The following BTG4 variants were observed in gnomAD, a reference collection of about 807,000 sequenced individuals.
BTG4 encodes protein BTG4.
A neutral mutation model predicts 19.3 loss-of-function variants in BTG4; 10 were observed. The observed-to-expected ratio is 0.52, with a 90% CI of 0.32 to 0.88. The LOEUF (loss-of-function observed/expected upper bound fraction) is 0.88, where lower values mean the gene tolerates loss of function less well. BTG4 is among the 40% of genes least tolerant of loss of function. BTG4 has a pLI of 0.04. For synonymous variants in BTG4, 91 were observed against 95.7 expected (o/e 0.95, Z 0.29); for missense variants, 238 against 281.9 (o/e 0.84, Z 1.11).
rs180799863 is a variant in BTG4 at position 111,503,861 on chromosome 11, G to A, written c.-26-5059C>T. Among the ~76,000 whole-genome samples, 157 of 152,168 alleles carry A rather than the reference G, an allele frequency of 1.0e-3. 1 individual carries two copies. The highest frequency in any genetic ancestry group is 3.4e-3 in the African/African-American group (141 of 41,538). ...GAATAGTCAAGCCCCAAAGTTCATC[G>A]ATGAAGGTAAAACTCGAAAATCTGG... On this transcript the variant is annotated intron_variant, in intron 1 of 4. Transcript: ENST00000692032.
chr11:111,459,847 G>A, the BTG4 span: 12 of 152,604 alleles, frequency 7.9e-5, no homozygotes, highest in African/African-American at 2.6e-4. Flanking sequence ...AGCTCTGGGA[G>A]AGAAAACCCC....
chr11:111,474,299 T>C (rs929301303), intron 5 of BTG4, among the ~76,000 whole-genome samples: 3 of 152,134 alleles, frequency 2.0e-5, no homozygotes, highest in Non-Finnish European at 4.4e-5. Flanking sequence ...GATCAAGAAA[T>C]AGAACATCAC....
chr11:111,491,130 A>G (rs1042426909), downstream of BTG4, among the ~76,000 whole-genome samples: 2 of 152,242 alleles, frequency 1.3e-5, no homozygotes, highest in African/African-American at 4.8e-5. Context: ...CCAAAAGGTT[A>G]CCTACAGTAT....
At chr11:111,469,169 C>T (rs1863905025) in intron 5 of BTG4, 1 of 152,190 alleles carries the variant, frequency 6.6e-6, no homozygotes, top group South Asian at 2.1e-4. Context: ...GGGCGGACAT[C>T]TCTGTGTTTG....
chr11:111,401,613 A>G, the BTG4 span, among the ~76,000 whole-genome samples: 1 of 152,252 alleles, frequency 6.6e-6, no homozygotes, highest in Non-Finnish European at 1.5e-5. Flanking sequence ...CAGATTGTAC[A>G]TAGGGTGGGC....
At chr11:111,487,088 T>G (rs995603357) in intron 5 of BTG4, among the ~76,000 whole-genome samples, 1 of 152,150 alleles carries the variant, frequency 6.6e-6, no homozygotes, top group Non-Finnish European at 1.5e-5. Context: ...ACATTCTGTT[T>G]CTGTGTTAGT....
At chr11:111,387,652 G>C in the BTG4 span, among the ~76,000 whole-genome samples, 2 of 152,174 alleles carry the variant, frequency 1.3e-5, no homozygotes, top group African/African-American at 4.8e-5. Flanking sequence ...GCTGGCAAGT[G>C]TCCATGCCCC....
chr11:111,461,594 A>C, the BTG4 span, among the ~76,000 whole-genome samples: 1 of 152,150 alleles, frequency 6.6e-6, no homozygotes, highest in African/African-American at 2.4e-5. Context: ...GTCACCTTTA[A>C]TCCCAGCTAC....
the BTG4 span, among the ~76,000 whole-genome samples, chr11:111,391,096 A>G: frequency 6.6e-6 from 1 of 152,226 alleles, no homozygotes; most frequent in East Asian, 1.9e-4. Context: ...TGATTAATTG[A>G]TAACAGTTCC....
In BTG4 at chr11:111,484,100, A is replaced by C. The variant is rs188842803; in HGVS notation, c.662+11063T>G. Among the ~76,000 whole-genome samples, 308 of 152,268 alleles carry C rather than the reference A, an allele frequency of 2.0e-3. 2 individuals carry two copies. Among genetic ancestry groups the C allele is most frequent in the African/African-American group, 7.1e-3 (295 of 41,570 alleles). ...AAGTGCCAAAGAAAAAAGAAAGTCT[A>C]ACCTAGAATATCATATCTAGCAGAA... On this transcript the variant is annotated intron_variant, in intron 5 of 5. Transcript: ENST00000356018.
chr11:111,387,539 AG>A, the BTG4 span, among the ~76,000 whole-genome samples: 3 of 152,208 alleles, frequency 2.0e-5, no homozygotes, highest in Non-Finnish European at 4.4e-5. Context: ...CCTCCACAGC[AG>A]GCTGGAAGGT....
intron 1 of BTG4, among the ~76,000 whole-genome samples, chr11:111,505,733 C>T (rs976388150): frequency 3.9e-5 from 6 of 151,944 alleles, no homozygotes; most frequent in African/African-American, 1.4e-4. Context: ...ATACCTCCAA[C>T]AAAGAATTAG....
chr11:111,419,260 G>A, the BTG4 span, among the ~76,000 whole-genome samples: 9 of 152,376 alleles, frequency 5.9e-5, no homozygotes, highest in South Asian at 1.9e-3. Flanking sequence ...GCTCAGAGAA[G>A]TGCCAGTGAG....
chr11:111,471,535 TTC>T (rs1225320925), intron 5 of BTG4, among the ~76,000 whole-genome samples: 2 of 152,176 alleles, frequency 1.3e-5, no homozygotes, highest in African/African-American at 4.8e-5. Context: ...GTTTTCCTCC[TTC>T]TCTGATTGTT....
the BTG4 span, among the ~76,000 whole-genome samples, chr11:111,437,932 C>T: frequency 2.6e-5 from 4 of 152,170 alleles, no homozygotes; most frequent in African/African-American, 9.7e-5. Flanking sequence ...CATCCTCAAC[C>T]CAGATCTGCA....
chr11:111,390,579 T>C, the BTG4 span, among the ~76,000 whole-genome samples: 5 of 152,194 alleles, frequency 3.3e-5, no homozygotes, highest in Admixed American at 6.5e-5. Context: ...GAAATATCAG[T>C]TGAACACCAG....
At chr11:111,458,918 G>C in the BTG4 span, among the ~76,000 whole-genome samples, 1 of 152,168 alleles carries the variant, frequency 6.6e-6, no homozygotes, top group Non-Finnish European at 1.5e-5. Flanking sequence ...CCCTGCCACT[G>C]TTTTACCATC....
At chr11:111,441,075 A>C in the BTG4 span, among the ~76,000 whole-genome samples, 1 of 150,948 alleles carries the variant, frequency 6.6e-6, no homozygotes, top group African/African-American at 2.4e-5. Context: ...GAGTGAGGGC[A>C]CAAGGTCACA....
chr11:111,424,933 T>G, the BTG4 span, among the ~76,000 whole-genome samples: 1 of 151,910 alleles, frequency 6.6e-6, no homozygotes, highest in Non-Finnish European at 1.5e-5. Flanking sequence ...CTTTAAAAGA[T>G]TAATAAAAAC....
Sources: allele counts gnomAD v4.1 joint callset (sites outside exome capture counted in the v4.1 genomes callset), GRCh38; gene constraint gnomAD v4.1.1; transcripts MANE v1.5; gene names NCBI Gene and HGNC (gene_info 2026-07-23, HGNC 2026-07-21).